Variants in RB1 observed in about 807,000 individuals in gnomAD.
RB1 encodes retinoblastoma-associated protein.
Under a neutral mutation model 135.4 loss-of-function variants are expected in RB1, and 18 were observed. That is an observed-to-expected ratio of 0.13 (90% CI 0.09 to 0.20). The LOEUF is 0.20. RB1 is among the 10% of genes least tolerant of loss of function. The pLI is 1.00. For missense variants in RB1, 868 were observed against 1,110.0 expected (o/e 0.78, Z 3.10); for synonymous variants, 365 against 373.2 (o/e 0.98, Z 0.25).
intron 2 of RB1, among the ~76,000 whole-genome samples, chr13:48,314,624 ACC>A (rs1182582719): frequency 6.6e-6 from 1 of 151,662 alleles, no homozygotes; most frequent in African/African-American, 2.4e-5. Context: ...ACATGGTGAA[ACC>A]CTGTCTCTAC....
intron 2 of RB1, among the ~76,000 whole-genome samples, chr13:48,339,762 G>A (rs945316756): frequency 6.6e-6 from 1 of 152,124 alleles, no homozygotes; most frequent in African/African-American, 2.4e-5. Context: ...CTTCTGCATC[G>A]CTCACACTGG....
chr13:48,392,874 T>C (rs905981369), intron 17 of RB1, among the ~76,000 whole-genome samples: 10 of 152,318 alleles, frequency 6.6e-5, no homozygotes, highest in Non-Finnish European at 1.5e-4. Flanking sequence ...TATTTTTGTA[T>C]TCCTTTCACT....
In RB1 at chr13:48,465,661, T is replaced by A. The variant is rs1949436651; in HGVS notation, c.2489+293T>A. On this transcript the variant is annotated intron_variant, in intron 23 of 26. Transcript: ENST00000267163. ...ATCTGAGGTACCGGGTTCATCTCAC[T>A]AGGGAGTGCCAGACAGTGGGCGCAG... Among the ~76,000 whole-genome samples the A allele has an allele frequency of 2.6e-5, 4 of 151,236 alleles. No homozygotes were observed. In the South Asian group the frequency reaches 8.4e-4, roughly 32 times the overall value.
At chr13:48,458,015 C>CAGAG (rs947038954) in intron 19 of RB1, among the ~76,000 whole-genome samples, 4 of 152,188 alleles carry the variant, frequency 2.6e-5, no homozygotes, top group African/African-American at 9.7e-5. Flanking sequence ...CTCCCCAGCC[C>CAGAG]AGAGAGCACA....
At chr13:48,454,759 G>C (rs943361779) in intron 18 of RB1, among the ~76,000 whole-genome samples, 2 of 152,234 alleles carry the variant, frequency 1.3e-5, no homozygotes. Context: ...GCTGATGCTA[G>C]CTAGGCAAAA....
At chr13:48,434,533 CA>C (rs1380884394) in intron 17 of RB1, among the ~76,000 whole-genome samples, 1 of 152,048 alleles carries the variant, frequency 6.6e-6, no homozygotes, top group Non-Finnish European at 1.5e-5. Flanking sequence ...CACCCAGCCA[CA>C]AAAAACACCC....
At chr13:48,440,959 T>A (rs547175395) in intron 17 of RB1, among the ~76,000 whole-genome samples, 242 of 152,278 alleles carry the variant, frequency 1.6e-3, no homozygotes, top group African/African-American at 5.5e-3. Context: ...AAAAAAAGAA[T>A]CCTGCAGACA....
chr13:48,371,197 A>T (rs1952754643), intron 11 of RB1, among the ~76,000 whole-genome samples: 1 of 152,208 alleles, frequency 6.6e-6, no homozygotes. Flanking sequence ...CTATAAATGG[A>T]TGTTAAGCAG....
intron 17 of RB1, chr13:48,412,411 T>C: frequency 6.2e-7 from 1 of 1,613,498 alleles, no homozygotes. Flanking sequence ...TGGGAGCTGT[T>C]AACGCTTACC....
intron 17 of RB1, among the ~76,000 whole-genome samples, chr13:48,383,315 G>C (rs1948550900): frequency 6.6e-6 from 1 of 151,986 alleles, no homozygotes; most frequent in Non-Finnish European, 1.5e-5. Context: ...TATAACTATT[G>C]ATAAGGCTTT....
chr13:48,375,435 C>G (rs1952810759), intron 12 of RB1, among the ~76,000 whole-genome samples: 1 of 149,740 alleles, frequency 6.7e-6, no homozygotes, highest in Non-Finnish European at 1.5e-5. Context: ...TCTTTTATGA[C>G]AGGAAATGCT....
At chr13:48,353,304 CT>C (rs1308863187) in intron 6 of RB1, among the ~76,000 whole-genome samples, 5 of 152,056 alleles carry the variant, frequency 3.3e-5, no homozygotes, top group Non-Finnish European at 7.4e-5. Context: ...TCATTAGTGG[CT>C]TCTATAAGCA....
At chr13:48,326,091 T>C (rs988860917) in intron 2 of RB1, among the ~76,000 whole-genome samples, 3 of 152,142 alleles carry the variant, frequency 2.0e-5, no homozygotes, top group Non-Finnish European at 4.4e-5. Flanking sequence ...TATACTGCTT[T>C]TTGGTTACTG....
chr13:48,367,118 CAAAAAAAAAAAA>C (rs34822911), intron 9 of RB1, among the ~76,000 whole-genome samples: 16 of 102,358 alleles, frequency 1.6e-4, no homozygotes, highest in African/African-American at 6.5e-4. Flanking sequence ...AACTCCATCT[CAAAAAAAAAAAA>C]AAAAAAAAGA....
intron 2 of RB1, among the ~76,000 whole-genome samples, chr13:48,314,566 G>A (rs1057062080): frequency 2.6e-4 from 40 of 151,976 alleles, no homozygotes; most frequent in Admixed American, 1.0e-3. Flanking sequence ...TTGGGAGGCC[G>A]AGGTGGGTGG....
chr13:48,470,752 C>T (rs1461775444), intron 23 of RB1, among the ~76,000 whole-genome samples: 2 of 18,900 alleles, frequency 1.1e-4, no homozygotes, highest in African/African-American at 1.3e-4. Flanking sequence ...GGGCGAAGGA[C>T]ATGAACAGAC....
In RB1 at chr13:48,359,539, C is replaced by A. The variant is rs528351056; in HGVS notation, c.608-478C>A. ...TTAGTAATTTTATATAATAAATATA[C>A]TTATAAAAGTGGAATTAAAAATTTG... On this transcript the variant is annotated intron_variant, in intron 6 of 26. Transcript: ENST00000267163. Among the ~76,000 whole-genome samples the A allele has an allele frequency of 4.2e-4, 62 of 146,064 alleles. No individual in the cohort carries two copies. In the East Asian group the frequency reaches 0.012, roughly 27 times the overall value.
At chr13:48,461,067 G>A (rs1949401865) in intron 20 of RB1, among the ~76,000 whole-genome samples, 1 of 152,082 alleles carries the variant, frequency 6.6e-6, no homozygotes, top group South Asian at 2.1e-4. Context: ...ACAATTCAGT[G>A]GTTTTTAGTA....
At chr13:48,348,903 C>A (rs2138093246) in intron 5 of RB1, 53 bp from the exon 6 acceptor site, 1 of 1,569,970 alleles carries the variant, frequency 6.4e-7, no homozygotes, top group South Asian at 1.2e-5. Context: ...GGAAAACTTT[C>A]TTTCAGTGAT....
Sources: allele counts gnomAD v4.1 joint callset (sites outside exome capture counted in the v4.1 genomes callset), GRCh38; gene constraint gnomAD v4.1.1; transcripts MANE v1.5; gene names NCBI Gene and HGNC (gene_info 2026-07-23, HGNC 2026-07-21).